HMCN1: variants seen among roughly 807,000 people sequenced by gnomAD.
The protein encoded by HMCN1 is hemicentin-1.
In HMCN1, 321 loss-of-function variants were observed where a neutral mutation model predicts 625.9. The observed-to-expected ratio is 0.51, with a 90% CI of 0.47 to 0.56. HMCN1 has a LOEUF of 0.56. Among genes scored for constraint, HMCN1 ranks in the 20% least tolerant of loss-of-function variants. HMCN1 has a pLI of 0.00. For synonymous variants in HMCN1, 2,425 were observed against 2,417.6 expected, an observed-to-expected ratio of 1.00 and a Z score of -0.09; for missense variants, 6,588 against 6,887.3, an observed-to-expected ratio of 0.96 and a Z score of 1.54.
chr1:186,175,393 A>T (rs1423194252), intron 103 of HMCN1, among the ~76,000 whole-genome samples: 1 of 152,160 alleles, frequency 6.6e-6, no homozygotes, highest in African/African-American at 2.4e-5. Context: ...CCACTTAATG[A>T]TTATTTATAG....
intron 15 of HMCN1, among the ~76,000 whole-genome samples, chr1:185,971,822 G>T (rs1432483573): frequency 6.6e-6 from 1 of 152,102 alleles, no homozygotes; most frequent in Non-Finnish European, 1.5e-5. Context: ...CCTTGGGGGA[G>T]AATCAACAAA....
chr1:185,999,130 A>G (rs1571690549), intron 25 of HMCN1, among the ~76,000 whole-genome samples: 1 of 127,054 alleles, frequency 7.9e-6, no homozygotes, highest in South Asian at 2.2e-4. Flanking sequence ...CTATTCTTTT[A>G]TATATATATA....
At chr1:186,173,698 T>C (rs1571462882) in intron 102 of HMCN1, among the ~76,000 whole-genome samples, 1 of 150,212 alleles carries the variant, frequency 6.7e-6, no homozygotes, top group Admixed American at 6.6e-5. Context: ...CAGAGCATCA[T>C]GTACAGTTAC....
chr1:186,188,519 T>TC (rs1424004630), intron 106 of HMCN1, among the ~76,000 whole-genome samples: 2 of 152,216 alleles, frequency 1.3e-5, no homozygotes, highest in African/African-American at 4.8e-5. Context: ...AACAGGCTTT[T>TC]CTGCATTCTG....
intron 105 of HMCN1, among the ~76,000 whole-genome samples, chr1:186,183,317 G>A (rs1653065126): frequency 6.6e-6 from 1 of 152,138 alleles, no homozygotes; most frequent in Admixed American, 6.5e-5. Context: ...GGTGGACAAT[G>A]GCTTCACCCT....
intron 1 of HMCN1, among the ~76,000 whole-genome samples, chr1:185,788,836 G>A (rs1223457616): frequency 6.6e-6 from 1 of 151,824 alleles, no homozygotes; most frequent in Admixed American, 6.6e-5. Context: ...AATTTATTCA[G>A]TAAAAATGTT....
In HMCN1 at chr1:186,189,975, G is replaced by C. The variant is rs140486567; in HGVS notation, c.*97G>C. 394 of 1,422,336 alleles carry C rather than the reference G, an allele frequency of 2.8e-4. 1 individual carries two copies. In the African/African-American group the frequency reaches 4.6e-3, roughly 16 times the overall value. The allele number at this position is 1,422,336 out of a possible 1,614,324, so 88.1% of individuals were successfully genotyped here. A position where few individuals can be genotyped will look rare whatever the true frequency, so the allele number is the denominator to read the frequency against. Reference sequence around the variant, plus strand: ...CTGTCTCTTGAACAGTTGCAATCTTGGCAGCTTGAAAATGGTGCTACACTC... The same window carrying C: ...CTGTCTCTTGAACAGTTGCAATCTTCGCAGCTTGAAAATGGTGCTACACTC... On this transcript the variant is annotated 3_prime_UTR_variant, in exon 107 of 107. Transcript: ENST00000271588.
At chr1:186,173,682 C>CCAACTCAGAGCATCATGTACAGTTACATG in intron 102 of HMCN1, among the ~76,000 whole-genome samples, 1 of 150,026 alleles carries the variant, frequency 6.7e-6, no homozygotes, top group East Asian at 1.9e-4. Context: ...AAAGTAGCAG[C>CCAACTCAGAGCATCATGTACAGTTACATG]CAACTCAGAG....
In HMCN1 at chr1:186,019,683, A is replaced by G. The variant is rs1179955774; in HGVS notation, c.5613A>G (p.Gln1871=). 2 of 1,611,950 alleles carry G rather than the reference A, an allele frequency of 1.2e-6. No homozygotes were observed. The highest frequency in any genetic ancestry group is 1.1e-5 in the South Asian group (1 of 91,024). ...LKDDQPVNTA[Q]GNLKIQSSGR... is the part of the protein sequence containing the mutation. Reference sequence around the variant, plus strand: ...ATGACCAGCCTGTGAACACTGCCCAAGGAAACCTTAAAGTAAGTGTAAATA... The same window carrying G: ...ATGACCAGCCTGTGAACACTGCCCAGGGAAACCTTAAAGTAAGTGTAAATA... The change falls in exon 35 of 107, where the codon CAA becomes CAG. Residue 1871 remains glutamine (Q), a synonymous_variant. Coordinates refer to ENST00000271588, the MANE Select transcript of HMCN1 (RefSeq NM_031935.3).
rs888856468 is a variant in HMCN1 at position 185,967,434 on chromosome 1, T to A, written c.2212+1519T>A. ...AGATATTACCGCTCAGTGGGTTCAA[T>A]AATCTATCATTTTGCTGTCCAAGTT... On this transcript the variant is annotated intron_variant, in intron 14 of 106. Transcript: ENST00000271588. Among the ~76,000 whole-genome samples the A allele has an allele frequency of 2.0e-5, 3 of 152,288 alleles. No individual in the cohort carries two copies. The East Asian group carries it at 5.8e-4, about 29-fold the overall frequency.
chr1:186,103,522 G>C lies in HMCN1; in HGVS notation c.10624G>C (p.Val3542Leu). ...AGAACATGAAGAGATATCAGTAATT[G>C]TTAATAACCCACTTGAACTTACCTG... Reference protein sequence around the residue: ...SEEHEEISVIVNNPLELTCIA... With the variant: ...SEEHEEISVILNNPLELTCIA... The change falls in exon 69 of 107, where the codon GTT becomes CTT. Residue 3542 changes from valine (V) to leucine (L), a missense_variant. By Grantham distance (32) the Val-to-Leu change is conservative. This residue lies in a region of HMCN1 where 4,628 missense variants were observed against 4,853.1 expected (regional missense o/e 0.95). Coordinates refer to ENST00000271588, the MANE Select transcript of HMCN1 (RefSeq NM_031935.3). 1.9e-6 allele frequency: 3 copies of C among 1,613,716 alleles called. No individual in the cohort carries two copies. Among genetic ancestry groups the C allele is most frequent in the Non-Finnish European group, 2.5e-6 (3 of 1,179,710 alleles).
chr1:185,823,979 T>C (rs1228988718), intron 1 of HMCN1, among the ~76,000 whole-genome samples: 2 of 152,190 alleles, frequency 1.3e-5, no homozygotes, highest in African/African-American at 4.8e-5. Context: ...TGTTTGTTTA[T>C]TTTGTCACCA....
intron 10 of HMCN1, among the ~76,000 whole-genome samples, chr1:185,930,243 G>A (rs1043029507): frequency 1.3e-5 from 2 of 152,286 alleles, no homozygotes; most frequent in Admixed American, 6.5e-5. Flanking sequence ...AGAATACGGT[G>A]GAAATGGTGA....
chr1:185,998,218 A>T (rs956406702), intron 25 of HMCN1, among the ~76,000 whole-genome samples: 1 of 152,110 alleles, frequency 6.6e-6, no homozygotes, highest in Non-Finnish European at 1.5e-5. Context: ...GAGTTCTGGC[A>T]AAGTCCAAGC....
At chr1:185,795,723 C>T (rs1658326818) in intron 1 of HMCN1, among the ~76,000 whole-genome samples, 1 of 152,182 alleles carries the variant, frequency 6.6e-6, no homozygotes. Context: ...GAATCAAGGT[C>T]TTGGGATTTC....
chr1:186,102,189 A>G (rs1009544525), intron 68 of HMCN1, among the ~76,000 whole-genome samples: 1 of 152,184 alleles, frequency 6.6e-6, no homozygotes, highest in African/African-American at 2.4e-5. Flanking sequence ...AGAAAATCTT[A>G]GATTAATATT....
At chr1:185,893,035 G>A (rs988440486) in intron 4 of HMCN1, among the ~76,000 whole-genome samples, 7 of 152,294 alleles carry the variant, frequency 4.6e-5, no homozygotes, top group African/African-American at 7.2e-5. Context: ...TAAGCAGGTC[G>A]GAAAAGCGCA....
At chr1:186,089,909 T>G (rs1344321856) in intron 63 of HMCN1, among the ~76,000 whole-genome samples, 2 of 151,938 alleles carry the variant, frequency 1.3e-5, no homozygotes, top group African/African-American at 4.8e-5. Context: ...GGTAAATGTT[T>G]AAGAATTTTC....
rs1650826044 is a variant in HMCN1 at position 186,153,877 on chromosome 1, A to G, written c.15146A>G (p.Gln5049Arg). 6.2e-7 allele frequency: 1 copy of G among 1,614,086 alleles called. No individual in the cohort carries two copies. The highest frequency in any genetic ancestry group is 8.5e-7 in the Non-Finnish European group (1 of 1,180,024). The change falls in exon 97 of 107, where the codon CAG (glutamine) becomes CGG (arginine). Residue 5049 changes from glutamine (Q) to arginine (R), a missense_variant. Gln to Arg is a conservative substitution (Grantham distance 43). Around this residue, in one of 3 missense-constraint regions of HMCN1, gnomAD observed 1,954 missense variants for 2,013.1 expected, o/e 0.97. Transcript: ENST00000271588. ...CACACCGTTTTCTATGATCAGGCAC[A>G]GGGAAGAATGCCTTTCTTGGTTGAA... ...WNHTVFYDQA[Q>R]GRMPFLVETL...
Sources: gnomAD v4.1 joint callset for allele counts (sites outside exome capture counted in the v4.1 genomes callset) on GRCh38, gnomAD v4.1.1 for gene constraint, gnomAD v4.1.1 regional missense constraint, MANE v1.5 for transcripts, NCBI Gene and HGNC (gene_info 2026-07-23, HGNC 2026-07-21) for gene names.